Variants in TENM2 observed in about 807,000 individuals in gnomAD.
TENM2 encodes the protein teneurin-2.
TENM2 carries 52 observed loss-of-function variants against 245.2 expected under a neutral mutation model. The observed-to-expected ratio is 0.21, with a 90% confidence interval of 0.17 to 0.27. The LOEUF is 0.27. Among genes scored for constraint, TENM2 ranks in the 10% least tolerant of loss-of-function variants. The pLI, the probability that TENM2 is intolerant of heterozygous loss-of-function variation, is 1.00. For missense variants in TENM2, 3,046 were observed against 3,666.8 expected (o/e 0.83, Z 4.37); for synonymous variants, 1,363 against 1,438.9 (o/e 0.95, Z 1.19).
At chr5:167,690,080 G>A (rs1055653330) in intron 2 of TENM2, among the ~76,000 whole-genome samples, 9 of 143,480 alleles carry the variant, frequency 6.3e-5, no homozygotes, top group Admixed American at 5.6e-4. Flanking sequence ...TGGAAGAGGC[G>A]AAATTTAGGA....
chr5:168,117,759 C>A (rs1174651978), intron 9 of TENM2, among the ~76,000 whole-genome samples: 1 of 152,170 alleles, frequency 6.6e-6, no homozygotes, highest in Non-Finnish European at 1.5e-5. Context: ...TTTTAATAGG[C>A]ATAAACTTAT....
intron 2 of TENM2, among the ~76,000 whole-genome samples, chr5:167,597,331 C>G (rs898313523): frequency 1.3e-5 from 2 of 151,758 alleles, no homozygotes; most frequent in Non-Finnish European, 2.9e-5. Flanking sequence ...ACGCCTGGCT[C>G]ATTTTTTGTA....
intron 3 of TENM2, among the ~76,000 whole-genome samples, chr5:167,898,868 G>C (rs1775457074): frequency 6.6e-6 from 1 of 152,184 alleles, no homozygotes; most frequent in Non-Finnish European, 1.5e-5. Context: ...AATGGGGATT[G>C]GGAGGGAAGG....
the TENM2 span, among the ~76,000 whole-genome samples, chr5:167,188,468 A>G: frequency 6.6e-6 from 1 of 152,178 alleles, no homozygotes; most frequent in African/African-American, 2.4e-5. Context: ...TCAAGTCTTC[A>G]TTAGTAAATC....
At chr5:167,521,900 C>G (rs553357150) in intron 2 of TENM2, among the ~76,000 whole-genome samples, 3 of 152,270 alleles carry the variant, frequency 2.0e-5, no homozygotes, top group Non-Finnish European at 2.9e-5. Flanking sequence ...CTATCTTTCT[C>G]TTACCAAGAA....
intron 2 of TENM2, among the ~76,000 whole-genome samples, chr5:167,549,477 A>G (rs1193364520): frequency 1.3e-5 from 2 of 152,232 alleles, no homozygotes; most frequent in African/African-American, 2.4e-5. Context: ...GCAGTTATAT[A>G]TAAATCAGAT....
chr5:167,746,384 G>T (rs1761561116), intron 2 of TENM2, among the ~76,000 whole-genome samples: 1 of 152,094 alleles, frequency 6.6e-6, no homozygotes. Context: ...TTTTGACATG[G>T]ATACATAGAT....
At position 168,165,637 on chromosome 5, in the gene TENM2, TCCC is replaced by T. The variant is rs1299273232; in HGVS notation, c.2569+2887_2569+2889del. ...GTTGCCCACCAGGCACAATTCAGGA[TCCC>T]CCCCCCAACCCCCCCCCCCCCCCCG... On this transcript the variant is annotated intron_variant, in intron 13 of 28. Transcript: ENST00000518659. Among the ~76,000 whole-genome samples the T allele has an allele frequency of 1.1e-3, 26 of 22,622 alleles. 5 individuals carry two copies. Among genetic ancestry groups the T allele is most frequent in the African/African-American group, 2.0e-3 (25 of 12,768 alleles). 14.8% of individuals were successfully genotyped at this position (22,622 alleles called of 152,430 possible).
chr5:167,340,564 T>A (rs1253371157), intron 1 of TENM2, among the ~76,000 whole-genome samples: 2 of 152,174 alleles, frequency 1.3e-5, no homozygotes, highest in Non-Finnish European at 2.9e-5. Flanking sequence ...GGATCAGTGC[T>A]TCCCTCTCAT....
At chr5:167,622,719 G>A (rs1272205681) in intron 2 of TENM2, among the ~76,000 whole-genome samples, 4 of 152,116 alleles carry the variant, frequency 2.6e-5, no homozygotes, top group African/African-American at 9.7e-5. Context: ...TTCCAGGGAT[G>A]AAAATGACAA....
At chr5:167,630,796 G>A (rs1778814757) in intron 2 of TENM2, among the ~76,000 whole-genome samples, 1 of 152,168 alleles carries the variant, frequency 6.6e-6, no homozygotes, top group Non-Finnish European at 1.5e-5. Flanking sequence ...ATTAACACAG[G>A]AGAGATACTT....
chr5:167,856,790 A>G (rs1449312186), intron 2 of TENM2, among the ~76,000 whole-genome samples: 1 of 152,232 alleles, frequency 6.6e-6, no homozygotes, highest in Non-Finnish European at 1.5e-5. Flanking sequence ...CTGAATGCCA[A>G]AACATTGTCT....
At chr5:167,175,851 A>G in the TENM2 span, among the ~76,000 whole-genome samples, 1 of 152,192 alleles carries the variant, frequency 6.6e-6, no homozygotes, top group Admixed American at 6.5e-5. Flanking sequence ...CTGGGATTAC[A>G]GGCGCGTGCC....
At chr5:167,181,449 C>T in the TENM2 span, among the ~76,000 whole-genome samples, 35,318 of 129,390 alleles carry the variant, frequency 0.27, 5,859 homozygotes, top group African/African-American at 0.51. Flanking sequence ...TTTTTTTTTT[C>T]CTAGGGAGCC....
intron 2 of TENM2, among the ~76,000 whole-genome samples, chr5:167,576,507 A>G (rs1161149903): frequency 6.6e-6 from 1 of 152,210 alleles, no homozygotes; most frequent in Admixed American, 6.5e-5. Flanking sequence ...CTTGAGTTCG[A>G]TTTTAAAATT....
chr5:167,845,833 A>G (rs1769992651), intron 2 of TENM2, among the ~76,000 whole-genome samples: 1 of 152,186 alleles, frequency 6.6e-6, no homozygotes, highest in South Asian at 2.1e-4. Flanking sequence ...CCCATTTCAC[A>G]TTGAAAACAG....
chr5:167,707,151 C>T (rs1758592094), intron 2 of TENM2, among the ~76,000 whole-genome samples: 1 of 151,806 alleles, frequency 6.6e-6, no homozygotes, highest in South Asian at 2.1e-4. Flanking sequence ...TTTGTATTTC[C>T]ATGATGATTA....
At chr5:167,885,934 C>CA (rs1774251208) in intron 3 of TENM2, among the ~76,000 whole-genome samples, 2 of 152,156 alleles carry the variant, frequency 1.3e-5, no homozygotes, top group Non-Finnish European at 2.9e-5. Context: ...CCACTCGCCT[C>CA]GGCCTCCCAA....
intron 12 of TENM2, among the ~76,000 whole-genome samples, chr5:168,156,610 G>A (rs1712380673): frequency 6.6e-6 from 1 of 152,074 alleles, no homozygotes; most frequent in South Asian, 2.1e-4. Context: ...CTTTCTTCAA[G>A]TGCATTTATT....
Sources: gnomAD v4.1 joint callset for allele counts (sites outside exome capture counted in the v4.1 genomes callset) on GRCh38, gnomAD v4.1.1 for gene constraint, MANE v1.5 for transcripts, NCBI Gene and HGNC (gene_info 2026-07-23, HGNC 2026-07-21) for gene names.